Variants in TMX3 observed in about 807,000 individuals in gnomAD.
TMX3 encodes thioredoxin related transmembrane protein 3.
TMX3 carries 40 observed loss-of-function variants against 64.4 expected under a neutral mutation model. The observed-to-expected ratio is 0.62, with a 90% CI of 0.48 to 0.81. The LOEUF (loss-of-function observed/expected upper bound fraction) is 0.81, where lower values mean the gene tolerates loss of function less well. Ranked by LOEUF, TMX3 falls within the 30% of genes least tolerant of loss-of-function variation. The probability of loss-of-function intolerance (pLI) is 0.00; values close to 1 mark genes in which losing one functional copy is unlikely to be tolerated. For synonymous variants in TMX3, 189 were observed against 175.7 expected, an observed-to-expected ratio of 1.08 and a Z score of -0.60; for missense variants, 497 against 534.5, an observed-to-expected ratio of 0.93 and a Z score of 0.69.
At position 68,687,742 on chromosome 18, in the gene TMX3, A is replaced by G. The variant is rs1434458598; in HGVS notation, c.661T>C (p.Ser221Pro). Residue 221 changes from serine (S) to proline (P), a missense_variant, in exon 10 of 16, where the codon TCA (serine) becomes CCA (proline). This residue lies in a region of TMX3 where 360 missense variants were observed against 383.5 expected (regional missense o/e 0.94). Transcript: ENST00000299608. ...YDEYEDGDLS[S>P]WINRERFQNY... ...TGAAACCTTTCCCTGTTGATCCATG[A>G]TGACAGATCACCATCTTCATACTCT... 1.2e-6 allele frequency: 2 copies of G among 1,611,646 alleles called. No individual in the cohort carries two copies. The highest frequency in any genetic ancestry group is 1.7e-6 in the Non-Finnish European group (2 of 1,179,096).
At chr18:68,692,574 A>G (rs1229196818) in intron 8 of TMX3, among the ~76,000 whole-genome samples, 1 of 152,178 alleles carries the variant, frequency 6.6e-6, no homozygotes, top group African/African-American at 2.4e-5. Context: ...TAATATTCAA[A>G]ATATGGGAAG....
intron 9 of TMX3, among the ~76,000 whole-genome samples, chr18:68,690,198 A>C (rs985309764): frequency 6.6e-6 from 1 of 152,168 alleles, no homozygotes; most frequent in African/African-American, 2.4e-5. Flanking sequence ...CATAGAATTC[A>C]GTAAGAAAAA....
At chr18:68,711,018 T>C (rs1404069592) in intron 3 of TMX3, among the ~76,000 whole-genome samples, 2 of 152,314 alleles carry the variant, frequency 1.3e-5, no homozygotes. Flanking sequence ...ATACTCAATC[T>C]CTTGGAAACT....
intron 8 of TMX3, among the ~76,000 whole-genome samples, chr18:68,693,269 G>A (rs962359305): frequency 1.4e-4 from 21 of 152,280 alleles, no homozygotes; most frequent in African/African-American, 4.8e-4. Context: ...GGGACTGCAC[G>A]CTCCGTGGAG....
Position 68,677,089 on chromosome 18 carries a change from T to A in TMX3, c.1209A>T (p.Gly403=), listed in dbSNP as rs111856696. ...CTTCATATCGTTCTTCTATATAACC[T>A]CCATCTGTGTCGGCTGTGTAGATTC... is the stretch of plus-strand genomic sequence containing the variant. ...CYGIYTADTD[G]GYIEERYEVS... is the part of the protein sequence containing the mutation. The change falls in exon 16 of 16, where the codon GGA becomes GGT. Residue 403 remains glycine (G), a synonymous_variant. Coordinates refer to ENST00000299608, the MANE Select transcript of TMX3 (RefSeq NM_019022.5). The A allele has an allele frequency of 7.4e-6, 12 of 1,613,844 alleles. No individual in the cohort carries two copies. The highest frequency in any genetic ancestry group is 1.0e-5 in the Non-Finnish European group (12 of 1,179,782).
intron 2 of TMX3, among the ~76,000 whole-genome samples, chr18:68,712,252 TGA>T (rs1441068831): frequency 6.6e-6 from 1 of 152,156 alleles, no homozygotes; most frequent in Non-Finnish European, 1.5e-5. Flanking sequence ...ACAGACAGAA[TGA>T]GAGGCCCACC....
intron 6 of TMX3, among the ~76,000 whole-genome samples, chr18:68,699,836 G>C (rs573568381): frequency 7.2e-5 from 11 of 152,206 alleles, no homozygotes; most frequent in Admixed American, 4.6e-4. Context: ...TAAAACCTTA[G>C]GGATCGGTAA....
chr18:68,698,161 T>C (rs775985563), intron 6 of TMX3, 130 bp from the exon 7 acceptor site: 7 of 634,316 alleles, frequency 1.1e-5, no homozygotes, highest in Non-Finnish European at 1.9e-5. Flanking sequence ...TTTAAGTATA[T>C]CACAAAATCC....
chr18:68,714,803 G>A (rs1353868190), intron 1 of TMX3, 133 bp downstream of exon 1: 2 of 1,249,278 alleles, frequency 1.6e-6, no homozygotes, highest in African/African-American at 1.6e-5. Flanking sequence ...GGGGCGGCAG[G>A]ACGCTGCCGG....
chr18:68,686,601 G>A (rs1038878943), intron 10 of TMX3: 2 of 348,528 alleles, frequency 5.7e-6, no homozygotes, highest in Non-Finnish European at 8.1e-6. Context: ...CAGCTACTTG[G>A]GAGGCTGAGG....
chr18:68,689,752 C>T (rs1348940977), intron 9 of TMX3: 1 of 152,178 alleles, frequency 6.6e-6, no homozygotes, highest in African/African-American at 2.4e-5. Context: ...CTAATACAGA[C>T]ATTCAATAAA....
Position 68,714,917 on chromosome 18 carries a change from A to T in TMX3, c.46+19T>A. The T allele has an allele frequency of 6.4e-7, 1 of 1,553,868 alleles. No individual in the cohort carries two copies. Among genetic ancestry groups the T allele is most frequent in the Non-Finnish European group, 8.7e-7 (1 of 1,149,136 alleles). On this transcript the variant is annotated intron_variant, in intron 1 of 15. Transcript: ENST00000299608. ...GTCCCACGCGCCCGCCAGCGTCCCGACCGCTGAGCCCCCATTACCTGTGGC... is the reference window on the plus strand; with the variant it reads ...GTCCCACGCGCCCGCCAGCGTCCCGTCCGCTGAGCCCCCATTACCTGTGGC...
chr18:68,686,888 G>A (rs1914015527), intron 10 of TMX3: 2 of 985,000 alleles, frequency 2.0e-6, no homozygotes, highest in African/African-American at 1.8e-5. Flanking sequence ...GTTACAAACA[G>A]GAGAACATGT....
intron 5 of TMX3, chr18:68,700,842 C>A (rs1359593613): frequency 2.0e-6 from 2 of 984,936 alleles, no homozygotes; most frequent in Non-Finnish European, 2.4e-6. Context: ...AATGAAAGGA[C>A]AGGGAAATAA....
chr18:68,710,189 A>G, intron 3 of TMX3, 45 bp from the exon 4 acceptor site: 1 of 1,463,586 alleles, frequency 6.8e-7, no homozygotes, highest in Non-Finnish European at 9.1e-7. Context: ...GATAACCATT[A>G]AAATGTTGTG....
chr18:68,705,242 C>T (rs1228975861), intron 4 of TMX3, among the ~76,000 whole-genome samples: 1 of 151,924 alleles, frequency 6.6e-6, no homozygotes, highest in African/African-American at 2.4e-5. Context: ...AATAACCCCA[C>T]AGAATTATCT....
intron 4 of TMX3, among the ~76,000 whole-genome samples, chr18:68,708,144 G>A (rs1047555180): frequency 6.6e-6 from 1 of 151,718 alleles, no homozygotes; most frequent in African/African-American, 2.4e-5. Flanking sequence ...AGTGGAAAAC[G>A]ATAACTTCTT....
At chr18:68,709,509 G>A (rs994887654) in intron 4 of TMX3, among the ~76,000 whole-genome samples, 7 of 152,096 alleles carry the variant, frequency 4.6e-5, no homozygotes, top group African/African-American at 1.7e-4. Flanking sequence ...TTGGCCTACA[G>A]ACCAAGGTTT....
At position 68,701,672 on chromosome 18, in the gene TMX3, A is replaced by G. The variant is rs1437304664; in HGVS notation, c.311+73T>C. ...TTCAATCCTCCAGGGAATCTACTAG[A>G]AATTAACGTAATAAAATGTAAGTAG... On this transcript the variant is annotated intron_variant, in intron 5 of 15. Transcript: ENST00000299608. 1.9e-6 allele frequency: 3 copies of G among 1,599,656 alleles called. No individual in the cohort carries two copies. The African/African-American group carries it at 4.0e-5, about 21-fold the overall frequency.
Sources: allele counts gnomAD v4.1 joint callset (sites outside exome capture counted in the v4.1 genomes callset), GRCh38; gene constraint gnomAD v4.1.1; regional missense constraint gnomAD v4.1.1; transcripts MANE v1.5; gene names NCBI Gene and HGNC (gene_info 2026-07-23, HGNC 2026-07-21).